ETV1: variants seen among roughly 807,000 people sequenced by gnomAD.
ETV1 encodes the protein ETS translocation variant 1.
ETV1 carries 27 observed loss-of-function variants against 62.3 expected under a neutral mutation model. The ratio of observed to expected loss-of-function variants is 0.43; its 90% CI spans 0.32 to 0.60. The LOEUF is 0.60. ETV1 is among the 20% of genes least tolerant of loss of function. The pLI is 0.06. For missense variants in ETV1, 605 were observed against 605.8 expected, an observed-to-expected ratio of 1.00 and a Z score of 0.01; for synonymous variants, 222 against 199.6, an observed-to-expected ratio of 1.11 and a Z score of -0.94.
chr7:13,941,997 T>G, intron 6 of ETV1, among the ~76,000 whole-genome samples: 1 of 151,452 alleles, frequency 6.6e-6, no homozygotes, highest in East Asian at 1.9e-4. Flanking sequence ...GACACAGCTT[T>G]GTAATACATT....
chr7:13,971,000 C>A (rs71538859), intron 6 of ETV1, among the ~76,000 whole-genome samples: 1 of 151,890 alleles, frequency 6.6e-6, no homozygotes, highest in Non-Finnish European at 1.5e-5. Flanking sequence ...GAGACAGAAT[C>A]TTACTCTGTC....
chr7:13,921,037 T>C (rs1324267565), intron 9 of ETV1, among the ~76,000 whole-genome samples: 1 of 152,188 alleles, frequency 6.6e-6, no homozygotes, highest in African/African-American at 2.4e-5. Context: ...TATCTTTGGA[T>C]ATTGAGAAAG....
At chr7:13,952,844 G>A (rs554814845) in intron 6 of ETV1, among the ~76,000 whole-genome samples, 41 of 152,278 alleles carry the variant, frequency 2.7e-4, no homozygotes, top group Middle Eastern at 3.4e-3. Context: ...TACAGAATAT[G>A]TTGATTCATT....
In ETV1 at chr7:13,893,222, T is replaced by G; in HGVS notation, c.*2644A>C. 4.3e-6 allele frequency: 1 copy of G among 232,548 alleles called. No homozygotes were observed. The highest frequency in any genetic ancestry group is 8.5e-6 in the Non-Finnish European group (1 of 117,662). The allele number at this position is 232,548 out of a possible 1,614,324, so 14.4% of individuals were successfully genotyped here. A position where few individuals can be genotyped will look rare whatever the true frequency, so the allele number is the denominator to read the frequency against. Reference sequence around the variant, plus strand: ...GACATTACATCATTAACAAATGATTTCTATGTTTGAGTAGCCAATTCAATG... The same window carrying G: ...GACATTACATCATTAACAAATGATTGCTATGTTTGAGTAGCCAATTCAATG... On this transcript the variant is annotated 3_prime_UTR_variant, in exon 14 of 14. Transcript: ENST00000430479.
At chr7:13,967,317 T>A (rs370606678) in intron 6 of ETV1, among the ~76,000 whole-genome samples, 1 of 152,244 alleles carries the variant, frequency 6.6e-6, no homozygotes, top group East Asian at 1.9e-4. Flanking sequence ...CTGAATAGTT[T>A]AATAATGTCA....
At chr7:13,941,108 T>C (rs146329810) in intron 6 of ETV1, among the ~76,000 whole-genome samples, 1 of 152,320 alleles carries the variant, frequency 6.6e-6, no homozygotes, top group East Asian at 1.9e-4. Context: ...ATATCAAGAA[T>C]ACTCATGTGC....
chr7:13,967,784 T>C (rs1323592295), intron 6 of ETV1, among the ~76,000 whole-genome samples: 1 of 152,098 alleles, frequency 6.6e-6, no homozygotes, highest in Non-Finnish European at 1.5e-5. Flanking sequence ...CTAGTTTAGC[T>C]CAGGTTATTT....
rs537640341 is a variant in ETV1 at position 13,952,220 on chromosome 7, C to A, written c.236-12974G>T. ...CATAATCATGGACTAACTGTGCAAC[C>A]TCCCTGGCCTTCCATTCCTAATCTG... On this transcript the variant is annotated intron_variant, in intron 6 of 13. Coordinates refer to ENST00000430479, the MANE Select transcript of ETV1 (RefSeq NM_004956.5). 8.5e-5 allele frequency among the ~76,000 whole-genome samples: 13 copies of A among 152,236 alleles called. 2 individuals carry two copies. The South Asian group carries it at 2.7e-3, about 32-fold the overall frequency.
intron 9 of ETV1, among the ~76,000 whole-genome samples, chr7:13,927,572 T>A (rs757257061): frequency 1.3e-5 from 2 of 151,794 alleles, no homozygotes; most frequent in Non-Finnish European, 2.9e-5. Context: ...AATCACTGAT[T>A]CAGTGATAAA....
intron 9 of ETV1, 143 bp downstream of exon 9, chr7:13,931,359 T>A (rs1440696847): frequency 6.1e-6 from 5 of 816,800 alleles, no homozygotes; most frequent in Non-Finnish European, 9.5e-6. Context: ...TACACGTAGA[T>A]GAAGTTTCAA....
Position 13,977,455 on chromosome 7 carries a change from C to T in ETV1, c.207G>A (p.Gln69=). The T allele has an allele frequency of 6.5e-7, 1 of 1,547,648 alleles. No individual in the cohort carries two copies. The highest frequency in any genetic ancestry group is 8.7e-7 in the Non-Finnish European group (1 of 1,144,232). The change falls in exon 6 of 14, where the codon CAG becomes CAA. Residue 69 remains glutamine, a synonymous_variant. Coordinates refer to ENST00000430479, the MANE Select transcript of ETV1 (RefSeq NM_004956.5). ...AEAQVPDNDE[Q]FVPDYQAESL... is the part of the protein sequence containing the mutation. ...TTTCAGCCTGATAGTCTGGTACAAA[C>T]TGCTCATCATTGTCAGGTACCTGAG...
At position 13,923,074 on chromosome 7, in the gene ETV1, T is replaced by G. The variant is rs149140596; in HGVS notation, c.802+8428A>C. ...GACTGGGATATTTTAGCCCTCTGAA[T>G]GTTGTTATTTTTTTCTTAAGTTTTG... On this transcript the variant is annotated intron_variant, in intron 9 of 13. Transcript: ENST00000430479. Among the ~76,000 whole-genome samples the G allele has an allele frequency of 5.4e-3, 820 of 152,324 alleles. 4 individuals are homozygous for G. Among genetic ancestry groups the G allele is most frequent in the Non-Finnish European group, 8.3e-3 (565 of 68,022 alleles).
intron 3 of ETV1, 70 bp from the exon 4 acceptor site, chr7:13,988,243 C>A: frequency 1.8e-6 from 1 of 570,096 alleles, no homozygotes. Flanking sequence ...CACGCGCGCG[C>A]ACACACACAC....
At chr7:13,973,959 A>T (rs1781153432) in intron 6 of ETV1, among the ~76,000 whole-genome samples, 1 of 152,184 alleles carries the variant, frequency 6.6e-6, no homozygotes, top group Non-Finnish European at 1.5e-5. Context: ...GAATGCAATG[A>T]TAATTTTACT....
chr7:13,991,180 A>G (rs1478236080), upstream of ETV1: 8 of 152,252 alleles, frequency 5.3e-5, no homozygotes, highest in African/African-American at 1.9e-4. Context: ...GATTCCAGGA[A>G]GCGCCTGGGC....
chr7:13,945,841 A>T (rs62454583), intron 6 of ETV1, among the ~76,000 whole-genome samples: 14,486 of 152,276 alleles, frequency 0.095, 881 homozygotes, highest in Middle Eastern at 0.14. Context: ...ACCTTCCCAC[A>T]TGGAGTTGGT....
intron 5 of ETV1, among the ~76,000 whole-genome samples, chr7:13,982,439 A>T (rs182436948): frequency 0.015 from 2,286 of 152,042 alleles, 55 homozygotes; most frequent in African/African-American, 0.051. Context: ...TTCTATTTTT[A>T]AAAAAAATTT....
At chr7:13,988,939 A>T in intron 3 of ETV1, 69 bp downstream of exon 3, 1 of 1,375,348 alleles carries the variant, frequency 7.3e-7, no homozygotes, top group East Asian at 2.5e-5. Context: ...CTCCCTTCTC[A>T]TTTTCTCCCT....
intron 9 of ETV1, among the ~76,000 whole-genome samples, chr7:13,927,288 A>T (rs1005054401): frequency 5.3e-5 from 8 of 151,986 alleles, no homozygotes. Context: ...GTCTCTAATT[A>T]AAAATATAGA....
Sources: allele counts gnomAD v4.1 joint callset (sites outside exome capture counted in the v4.1 genomes callset), GRCh38; gene constraint gnomAD v4.1.1; transcripts MANE v1.5; gene names NCBI Gene and HGNC (gene_info 2026-07-23, HGNC 2026-07-21).